Variants in CREG2 observed in about 807,000 individuals in gnomAD.
CREG2 encodes cellular repressor of E1A stimulated genes 2, also known as protein CREG2.
A neutral mutation model predicts 26.2 loss-of-function variants in CREG2; 24 were observed. That is an observed-to-expected ratio of 0.92 (90% CI 0.66 to 1.29). The LOEUF (loss-of-function observed/expected upper bound fraction) is 1.29. Among genes scored for constraint, CREG2 ranks in the 50% most tolerant of loss-of-function variants. The probability of loss-of-function intolerance (pLI) is 0.00; values close to 1 mark genes in which losing one functional copy is unlikely to be tolerated. For synonymous variants in CREG2, 174 were observed against 169.2 expected (o/e 1.03, Z -0.22); for missense variants, 366 against 398.6 (o/e 0.92, Z 0.70).
rs1196194383 is a variant in CREG2 at position 101,348,593 on chromosome 2, G to A, written c.*2330C>T. The A allele has an allele frequency of 2.6e-5, 4 of 151,772 alleles. No homozygotes were observed. Among genetic ancestry groups the A allele is most frequent in the South Asian group, 2.1e-4 (1 of 4,822 alleles). The allele number at this position is 151,772 out of a possible 1,614,324, so 9.4% of individuals were successfully genotyped here. A position where few individuals can be genotyped will look rare whatever the true frequency, so the allele number is the denominator to read the frequency against. ...TAGTTTTTTTCCCCACATGTTCATC[G>A]TTAGCATAGAGAAATGCAATTGACT... On this transcript the variant is annotated 3_prime_UTR_variant, in exon 4 of 4. Transcript: ENST00000324768.
At chr2:101,383,029 G>T in intron 2 of CREG2, 16 of 984,406 alleles carry the variant, frequency 1.6e-5, no homozygotes, top group Non-Finnish European at 1.9e-5. Flanking sequence ...TTCTTTCAGA[G>T]AGCTTTTGAA....
intron 2 of CREG2, among the ~76,000 whole-genome samples, chr2:101,370,887 G>C (rs111671077): frequency 1.3e-5 from 2 of 152,166 alleles, no homozygotes; most frequent in African/African-American, 4.8e-5. Flanking sequence ...TTCAGGATCA[G>C]GTGATCCTCT....
chr2:101,372,241 A>C (rs1684719458), intron 2 of CREG2, among the ~76,000 whole-genome samples: 1 of 152,254 alleles, frequency 6.6e-6, no homozygotes, highest in Non-Finnish European at 1.5e-5. Flanking sequence ...CAAGTAAGCA[A>C]GGAGGCAAGA....
chr2:101,360,573 TA>T (rs1207792884), intron 2 of CREG2, among the ~76,000 whole-genome samples: 8 of 151,964 alleles, frequency 5.3e-5, no homozygotes, highest in African/African-American at 1.9e-4. Flanking sequence ...CTGTCTCTAC[TA>T]AAAAAATACA....
At position 101,383,601 on chromosome 2, in the gene CREG2, C is replaced by T. The variant is rs771917950; in HGVS notation, c.543G>A (p.Val181=). 6.2e-6 allele frequency: 10 copies of T among 1,614,064 alleles called. No individual in the cohort carries two copies. In the Admixed American group the frequency reaches 1.2e-4, roughly 19 times the overall value. Residue 181 remains valine (V), a synonymous_variant, in exon 2 of 4, where the codon GTG becomes GTA. Coordinates refer to ENST00000324768, the MANE Select transcript of CREG2 (RefSeq NM_153836.4). The part of the protein sequence containing the change: ...PFFYMTAKDP[V]VADLMKNPMA... ...TGGGGTTCTTCATCAGATCAGCCAC[C>T]ACGGGGTCCTTGGCTGTCATGTAGA... is the stretch of plus-strand genomic sequence containing the variant.
chr2:101,351,540 T>C (rs1350350437), intron 3 of CREG2, among the ~76,000 whole-genome samples: 3 of 152,164 alleles, frequency 2.0e-5, no homozygotes, highest in Non-Finnish European at 2.9e-5. Context: ...CTATATGAAA[T>C]GTTAACAAAA....
At chr2:101,355,076 G>A (rs573706916) in intron 3 of CREG2, among the ~76,000 whole-genome samples, 177 bp downstream of exon 3, 14 of 152,268 alleles carry the variant, frequency 9.2e-5, no homozygotes, top group Admixed American at 2.6e-4. Context: ...GCATTCACCC[G>A]GCTTCTGCTG....
intron 2 of CREG2, among the ~76,000 whole-genome samples, chr2:101,373,757 A>G (rs1684747970): frequency 1.3e-5 from 2 of 152,236 alleles, no homozygotes; most frequent in African/African-American, 4.8e-5. Flanking sequence ...GCAGGTTACT[A>G]TGATATATGA....
At chr2:101,352,772 C>T in intron 3 of CREG2, among the ~76,000 whole-genome samples, 1 of 152,202 alleles carries the variant, frequency 6.6e-6, no homozygotes, top group East Asian at 1.9e-4. Flanking sequence ...CATGCCACTG[C>T]ACTCCAGCCT....
intron 2 of CREG2, among the ~76,000 whole-genome samples, chr2:101,357,627 G>C (rs762335940): frequency 6.6e-6 from 1 of 152,126 alleles, no homozygotes; most frequent in African/African-American, 2.4e-5. Context: ...ATCATCTGCT[G>C]CTGTAGTAAG....
chr2:101,372,914 A>C (rs188688475), intron 2 of CREG2, among the ~76,000 whole-genome samples: 4 of 152,348 alleles, frequency 2.6e-5, no homozygotes, highest in African/African-American at 9.6e-5. Context: ...TCATGAGGGA[A>C]ATGCAAATCA....
At chr2:101,354,565 C>G (rs773093699) in intron 3 of CREG2, among the ~76,000 whole-genome samples, 10 of 152,132 alleles carry the variant, frequency 6.6e-5, no homozygotes, top group South Asian at 4.1e-4. Context: ...CATTGCTGCA[C>G]CAGCCTGCAC....
intron 2 of CREG2, among the ~76,000 whole-genome samples, chr2:101,367,447 T>C (rs971680944): frequency 6.6e-6 from 1 of 152,208 alleles, no homozygotes; most frequent in Non-Finnish European, 1.5e-5. Flanking sequence ...AAAACATTTG[T>C]ATTATAAATA....
rs892011434 is a variant in CREG2, at chr2:101,382,889, A to T, written c.611+644T>A. On this transcript the variant is annotated intron_variant, in intron 2 of 3. Transcript: ENST00000324768. The stretch of plus-strand genomic sequence containing the variant: ...TCTGGGAAGGACGAGGGGATCTCAC[A>T]TGCAGCTCCCACACCAGCTCCATGC... 1.6e-5 allele frequency: 16 copies of T among 985,474 alleles called. 1 individual carries two copies. In the East Asian group the frequency reaches 1.6e-3, roughly 98 times the overall value. 61.0% of individuals were successfully genotyped at this position (985,474 alleles called of 1,614,324 possible). A position where few individuals can be genotyped will look rare whatever the true frequency, so the allele number is the denominator to read the frequency against.
intron 2 of CREG2, among the ~76,000 whole-genome samples, chr2:101,383,300 T>G (rs1409466572): frequency 1.3e-5 from 2 of 152,184 alleles, no homozygotes; most frequent in African/African-American, 2.4e-5. Flanking sequence ...AGGCAAAGAT[T>G]ATTATTCCCA....
At chr2:101,364,677 A>G (rs1271500916) in intron 2 of CREG2, among the ~76,000 whole-genome samples, 1 of 152,218 alleles carries the variant, frequency 6.6e-6, no homozygotes, top group Non-Finnish European at 1.5e-5. Flanking sequence ...GATTCTTTTC[A>G]TGAATTGAAA....
intron 2 of CREG2, among the ~76,000 whole-genome samples, chr2:101,379,582 A>ATT (rs1454481562): frequency 6.6e-6 from 1 of 152,230 alleles, no homozygotes; most frequent in African/African-American, 2.4e-5. Flanking sequence ...ATGACTTGTC[A>ATT]ACCTACATGC....
intron 3 of CREG2, among the ~76,000 whole-genome samples, chr2:101,353,393 A>C (rs1684410816): frequency 6.6e-6 from 1 of 152,256 alleles, no homozygotes; most frequent in African/African-American, 2.4e-5. Context: ...CATTAGAGAA[A>C]TGCAAATCAA....
intron 2 of CREG2, among the ~76,000 whole-genome samples, chr2:101,378,413 G>A (rs926703937): frequency 6.6e-6 from 1 of 152,218 alleles, no homozygotes; most frequent in African/African-American, 2.4e-5. Context: ...TCCTAGGGGA[G>A]GGGCAAGCTG....
Sources: gnomAD v4.1 joint callset for allele counts (sites outside exome capture counted in the v4.1 genomes callset) on GRCh38, gnomAD v4.1.1 for gene constraint, MANE v1.5 for transcripts, NCBI Gene and HGNC (gene_info 2026-07-23, HGNC 2026-07-21) for gene names.